Variants in PCDH7 observed in about 807,000 individuals in gnomAD.
PCDH7 encodes the protein protocadherin-7.
Under a neutral mutation model 58.9 loss-of-function variants are expected in PCDH7, and 17 were observed. The observed-to-expected ratio is 0.29, with a 90% CI of 0.20 to 0.43. The LOEUF is 0.43. PCDH7 is among the 20% of genes least tolerant of loss of function. PCDH7 has a pLI of 1.00. For missense variants in PCDH7, 1,274 were observed against 1,441.0 expected, an observed-to-expected ratio of 0.88 and a Z score of 1.88; for synonymous variants, 664 against 616.4, an observed-to-expected ratio of 1.08 and a Z score of -1.14.
intron 3 of PCDH7, among the ~76,000 whole-genome samples, chr4:30,961,703 C>G (rs1240447339): frequency 6.6e-6 from 1 of 152,132 alleles, no homozygotes. Context: ...TGTTTGCTTT[C>G]TACATATGAT....
At chr4:30,967,724 A>G (rs1455312182) in intron 3 of PCDH7, among the ~76,000 whole-genome samples, 2 of 152,120 alleles carry the variant, frequency 1.3e-5, no homozygotes, top group African/African-American at 4.8e-5. Context: ...TTTGAGTAGC[A>G]TTTTCCAAAC....
intron 1 of PCDH7, among the ~76,000 whole-genome samples, chr4:30,838,457 TCTTAA>T (rs912799686): frequency 2.6e-5 from 4 of 152,112 alleles, no homozygotes; most frequent in African/African-American, 4.8e-5. Flanking sequence ...CTTGCCTCGT[TCTTAA>T]CTTATCAATG....
At chr4:31,057,093 G>C (rs1055657185) in intron 3 of PCDH7, among the ~76,000 whole-genome samples, 1 of 152,246 alleles carries the variant, frequency 6.6e-6, no homozygotes, top group East Asian at 1.9e-4. Flanking sequence ...ATTCATAAAT[G>C]TACTTTATTA....
intron 3 of PCDH7, among the ~76,000 whole-genome samples, chr4:31,017,134 T>TA (rs967405082): frequency 1.3e-5 from 2 of 152,158 alleles, no homozygotes; most frequent in African/African-American, 4.8e-5. Flanking sequence ...TAGCCAACTG[T>TA]AAAAGCTGCC....
intron 1 of PCDH7, among the ~76,000 whole-genome samples, chr4:30,785,819 T>G (rs1723316217): frequency 6.6e-6 from 1 of 152,040 alleles, no homozygotes; most frequent in African/African-American, 2.4e-5. Flanking sequence ...AAATAAGCAC[T>G]TTGGGCAGTG....
At chr4:30,761,943 A>C (rs1720084123) in intron 1 of PCDH7, among the ~76,000 whole-genome samples, 1 of 152,144 alleles carries the variant, frequency 6.6e-6, no homozygotes. Flanking sequence ...CCTGCCAACC[A>C]CCCTTGAGTA....
At chr4:30,890,197 G>A (rs1284778850) in intron 1 of PCDH7, among the ~76,000 whole-genome samples, 3 of 152,056 alleles carry the variant, frequency 2.0e-5, no homozygotes, top group African/African-American at 4.8e-5. Flanking sequence ...AGTATTTATA[G>A]GTATCTCCTT....
At chr4:30,869,013 T>G (rs1735218218) in intron 1 of PCDH7, 2 of 152,112 alleles carry the variant, frequency 1.3e-5, no homozygotes, top group African/African-American at 4.8e-5. Context: ...CAAGCATTCT[T>G]TTTTTCAGCT....
In PCDH7 at chr4:30,904,770, A is replaced by T. The variant is rs563714458; in HGVS notation, c.71-15383A>T. Among the ~76,000 whole-genome samples the T allele has an allele frequency of 3.3e-5, 5 of 152,272 alleles. No individual in the cohort carries two copies. The South Asian group carries it at 1.0e-3, about 32-fold the overall frequency. The stretch of plus-strand genomic sequence containing the variant: ...GCAGATAAGGAAGTTAAAACAAATG[A>T]GTGATGGGAGTGGCAGAGGAAATAA... On this transcript the variant is annotated intron_variant, in intron 1 of 3. Coordinates refer to the PCDH7 transcript ENST00000509759.
intron 1 of PCDH7, among the ~76,000 whole-genome samples, chr4:30,858,797 A>C (rs1374242300): frequency 6.6e-6 from 1 of 152,068 alleles, no homozygotes; most frequent in Non-Finnish European, 1.5e-5. Context: ...GAGATTCCAC[A>C]TGAAGTCTTT....
intron 1 of PCDH7, among the ~76,000 whole-genome samples, chr4:30,866,508 T>C (rs1734896229): frequency 6.6e-6 from 1 of 152,032 alleles, no homozygotes; most frequent in South Asian, 2.1e-4. Flanking sequence ...ATAGAGGCAT[T>C]TTTGGGCTGA....
At chr4:31,079,455 A>G (rs1236132571) in intron 3 of PCDH7, among the ~76,000 whole-genome samples, 5 of 150,060 alleles carry the variant, frequency 3.3e-5, no homozygotes, top group South Asian at 4.2e-4. Flanking sequence ...CGATATCTCT[A>G]GTAACCAAGA....
Position 30,790,203 on chromosome 4 carries a change from T to C in PCDH7, c.70+65607T>C, listed in dbSNP as rs143774474. On this transcript the variant is annotated intron_variant, in intron 1 of 3. Transcript: ENST00000509759. ...GATTCTAATATTTCTCTGATGACTT[T>C]TGAAACTTAAGTTACTGAGTCAATT... Among the ~76,000 whole-genome samples the C allele has an allele frequency of 6.1e-3, 930 of 152,360 alleles. 8 individuals are homozygous for C. Among genetic ancestry groups the C allele is most frequent in the Middle Eastern group, 0.017 (5 of 294 alleles).
At chr4:30,754,530 C>T (rs944077877) in intron 1 of PCDH7, among the ~76,000 whole-genome samples, 3 of 152,034 alleles carry the variant, frequency 2.0e-5, no homozygotes, top group Non-Finnish European at 4.4e-5. Flanking sequence ...ACACCCAATA[C>T]AGGAAATATT....
At chr4:31,042,963 AT>A (rs1756004269) in intron 3 of PCDH7, among the ~76,000 whole-genome samples, 1 of 152,102 alleles carries the variant, frequency 6.6e-6, no homozygotes. Flanking sequence ...AGCACAGGGT[AT>A]CACATTCTGA....
rs545576176 is a variant in PCDH7, at chr4:30,761,266, T to A, written c.70+36670T>A. Among the ~76,000 whole-genome samples, 4 of 152,296 alleles carry A rather than the reference T, an allele frequency of 2.6e-5. No individual in the cohort carries two copies. The East Asian group carries it at 7.7e-4, about 29-fold the overall frequency. On this transcript the variant is annotated intron_variant, in intron 1 of 3. Transcript: ENST00000509759. ...AGGAAGCGCAGCTCTCCTCTGCTTA[T>A]CTCAGTCATGGGCCAGGAGCTTTCA...
At chr4:30,840,684 G>A (rs1487728527) in intron 1 of PCDH7, among the ~76,000 whole-genome samples, 1 of 152,088 alleles carries the variant, frequency 6.6e-6, no homozygotes, top group African/African-American at 2.4e-5. Flanking sequence ...TTTCTGAGGA[G>A]CAGAACAAAA....
intron 3 of PCDH7, among the ~76,000 whole-genome samples, chr4:31,085,108 G>A (rs1712216342): frequency 6.6e-6 from 1 of 152,092 alleles, no homozygotes; most frequent in South Asian, 2.1e-4. Flanking sequence ...CATTTGGGGA[G>A]CAGAATTTTT....
intron 1 of PCDH7, chr4:30,869,192 A>T (rs1024411499): frequency 6.6e-6 from 1 of 152,152 alleles, no homozygotes; most frequent in African/African-American, 2.4e-5. Flanking sequence ...TGTAAAAAAG[A>T]ATTTTGTTAA....
Sources: gnomAD v4.1 joint callset for allele counts (sites outside exome capture counted in the v4.1 genomes callset) on GRCh38, gnomAD v4.1.1 for gene constraint, MANE v1.5 for transcripts, NCBI Gene and HGNC (gene_info 2026-07-23, HGNC 2026-07-21) for gene names.